Variants in TRPM7 observed in about 807,000 individuals in gnomAD.
TRPM7 encodes the protein transient receptor potential cation channel subfamily M member 7.
In TRPM7, 134 loss-of-function variants were observed where a neutral mutation model predicts 229.7. That is an observed-to-expected ratio of 0.58 (90% CI 0.51 to 0.67). The LOEUF (loss-of-function observed/expected upper bound fraction) is 0.67. Ranked by LOEUF, TRPM7 falls within the 30% of genes least tolerant of loss-of-function variation. The pLI is 0.00. For synonymous variants in TRPM7, 699 were observed against 715.2 expected (o/e 0.98, Z 0.36); for missense variants, 1,901 against 2,210.0 (o/e 0.86, Z 2.80).
At chr15:50,622,535 A>G (rs1229245376) in intron 12 of TRPM7, among the ~76,000 whole-genome samples, 1 of 152,224 alleles carries the variant, frequency 6.6e-6, no homozygotes, top group African/African-American at 2.4e-5. Flanking sequence ...ACATCTGTCC[A>G]CTAGGGACAG....
chr15:50,620,767 C>T (rs997965315), intron 12 of TRPM7, among the ~76,000 whole-genome samples: 1 of 152,002 alleles, frequency 6.6e-6, no homozygotes, highest in African/African-American at 2.4e-5. Flanking sequence ...CCCGTCTCTA[C>T]TAAAAAAACA....
intron 1 of TRPM7, among the ~76,000 whole-genome samples, chr15:50,679,161 C>T (rs1333373187): frequency 2.9e-5 from 4 of 137,052 alleles, no homozygotes; most frequent in African/African-American, 8.8e-5. Flanking sequence ...CATTAACCAC[C>T]GCACCCAGTC....
At chr15:50,619,863 AT>A in intron 12 of TRPM7, 65 bp from the exon 13 acceptor site, 1 of 1,348,474 alleles carries the variant, frequency 7.4e-7, no homozygotes, top group Non-Finnish European at 1.0e-6. Flanking sequence ...ACCTTACAGG[AT>A]TTTTATGAAC....
intron 27 of TRPM7, chr15:50,588,107 C>A (rs965851642): frequency 2.1e-5 from 9 of 436,732 alleles, no homozygotes; most frequent in Non-Finnish European, 2.7e-5. Flanking sequence ...TCCGCTGAAC[C>A]TACACCTATT....
chr15:50,683,525 A>C (rs920911659), intron 1 of TRPM7, among the ~76,000 whole-genome samples: 1 of 152,124 alleles, frequency 6.6e-6, no homozygotes, highest in African/African-American at 2.4e-5. Context: ...ACCTGGGGTC[A>C]GGAGTTTGAG....
chr15:50,631,957 T>G (rs2060749035), intron 9 of TRPM7, among the ~76,000 whole-genome samples: 1 of 152,174 alleles, frequency 6.6e-6, no homozygotes. Flanking sequence ...TATCTTTAAA[T>G]CACTTGAAAC....
At chr15:50,666,286 A>T (rs1281785799) in intron 1 of TRPM7, among the ~76,000 whole-genome samples, 1 of 151,168 alleles carries the variant, frequency 6.6e-6, no homozygotes, top group East Asian at 2.0e-4. Context: ...AAAATACAAA[A>T]AATTAGCCAA....
chr15:50,594,747 C>A, intron 23 of TRPM7, 134 bp from the exon 24 acceptor site: 3 of 581,144 alleles, frequency 5.2e-6, no homozygotes, highest in South Asian at 3.4e-5. Context: ...AAACTAATAG[C>A]AAATGAGAAA....
intron 1 of TRPM7, among the ~76,000 whole-genome samples, chr15:50,669,951 A>G (rs574701260): frequency 6.6e-6 from 1 of 152,176 alleles, no homozygotes; most frequent in Non-Finnish European, 1.5e-5. Flanking sequence ...CTTTACTGTT[A>G]TGGAATACAT....
intron 33 of TRPM7, among the ~76,000 whole-genome samples, chr15:50,575,518 A>C (rs1356598544): frequency 6.6e-6 from 1 of 152,214 alleles, no homozygotes; most frequent in Non-Finnish European, 1.5e-5. Flanking sequence ...GTTGCTTCTG[A>C]ATATGCCAGT....
At chr15:50,630,265 AT>A (rs1567042500) in intron 10 of TRPM7, among the ~76,000 whole-genome samples, 1 of 71,914 alleles carries the variant, frequency 1.4e-5, no homozygotes, top group Non-Finnish European at 4.2e-5. Flanking sequence ...TCCAGATGAT[AT>A]AAATATATTT....
At chr15:50,673,207 C>T (rs1179621451) in intron 1 of TRPM7, among the ~76,000 whole-genome samples, 1 of 152,122 alleles carries the variant, frequency 6.6e-6, no homozygotes. Context: ...GAACAACTTC[C>T]AGGTCCACAA....
At chr15:50,600,304 G>T (rs2059744040) in intron 21 of TRPM7, among the ~76,000 whole-genome samples, 1 of 152,050 alleles carries the variant, frequency 6.6e-6, no homozygotes, top group African/African-American at 2.4e-5. Flanking sequence ...GGGCGTGGCG[G>T]CACACTCCTG....
rs2053286968 is a variant in TRPM7 at position 50,560,973 on chromosome 15, T to C, written c.*705A>G. On this transcript the variant is annotated 3_prime_UTR_variant, in exon 39 of 39. Transcript: ENST00000646667. ...ACCATGGCTTTCTTCTACTTAACAG[T>C]GACTTGATAAAACAATGTTTAAAAA... The C allele has an allele frequency of 6.6e-6, 1 of 152,586 alleles. No individual in the cohort carries two copies. The highest frequency in any genetic ancestry group is 1.5e-5 in the Non-Finnish European group (1 of 68,042). 9.5% of individuals were successfully genotyped at this position (152,586 alleles called of 1,614,324 possible). A position where few individuals can be genotyped will look rare whatever the true frequency, so the allele number is the denominator to read the frequency against.
chr15:50,581,893 T>C (rs2054432328), intron 29 of TRPM7, among the ~76,000 whole-genome samples: 1 of 152,244 alleles, frequency 6.6e-6, no homozygotes, highest in Non-Finnish European at 1.5e-5. Flanking sequence ...TTTTTTACTT[T>C]AATCTGTTGC....
chr15:50,638,589 T>C (rs540608414), intron 6 of TRPM7, among the ~76,000 whole-genome samples: 13 of 152,016 alleles, frequency 8.6e-5, no homozygotes, highest in Admixed American at 2.6e-4. Flanking sequence ...AAATGTAATA[T>C]TGCTATTTTT....
At chr15:50,605,309 G>T (rs934172320) in intron 20 of TRPM7, among the ~76,000 whole-genome samples, 165 bp from the exon 21 acceptor site, 11 of 152,134 alleles carry the variant, frequency 7.2e-5, no homozygotes, top group African/African-American at 2.7e-4. Context: ...GGAGTGCAGT[G>T]GCTCAATCTC....
chr15:50,669,349 C>A (rs544526675), intron 1 of TRPM7, among the ~76,000 whole-genome samples: 38 of 152,112 alleles, frequency 2.5e-4, no homozygotes, highest in African/African-American at 8.9e-4. Context: ...GCAGCAGAAC[C>A]ACTTGAACTC....
intron 1 of TRPM7, among the ~76,000 whole-genome samples, chr15:50,678,261 AAACAAAAAC>A (rs2062145728): frequency 6.8e-6 from 1 of 148,132 alleles, no homozygotes; most frequent in African/African-American, 2.5e-5. Flanking sequence ...ACAAAAACAA[AAACAAAAAC>A]AAAAACAAAA....
Sources: gnomAD v4.1 joint callset for allele counts (sites outside exome capture counted in the v4.1 genomes callset) on GRCh38, gnomAD v4.1.1 for gene constraint, MANE v1.5 for transcripts, NCBI Gene and HGNC (gene_info 2026-07-23, HGNC 2026-07-21) for gene names.